Variants in AGMO observed in about 807,000 individuals in gnomAD.
AGMO encodes the protein alkylglycerol monooxygenase.
Under a neutral mutation model 60.2 loss-of-function variants are expected in AGMO, and 75 were observed. The observed-to-expected ratio is 1.25, with a 90% CI of 1.03 to 1.51. The LOEUF is 1.51. AGMO is among the 40% of genes most tolerant of loss of function. The pLI, the probability that AGMO is intolerant of heterozygous loss-of-function variation, is 0.00. For synonymous variants in AGMO, 261 were observed against 177.1 expected, an observed-to-expected ratio of 1.47 and a Z score of -3.76; for missense variants, 763 against 525.5, an observed-to-expected ratio of 1.45 and a Z score of -4.42.
chr7:15,304,724 G>A (rs957051896), intron 12 of AGMO, among the ~76,000 whole-genome samples: 2 of 152,026 alleles, frequency 1.3e-5, no homozygotes, highest in Non-Finnish European at 2.9e-5. Context: ...TTTATAGGAT[G>A]TTGTCTGCAT....
the AGMO span, among the ~76,000 whole-genome samples, chr7:15,152,372 G>C: frequency 6.6e-6 from 1 of 152,056 alleles, no homozygotes; most frequent in Non-Finnish European, 1.5e-5. Flanking sequence ...ATTTCAATAA[G>C]TTTTTGGGGA....
chr7:15,160,896 T>G, the AGMO span, among the ~76,000 whole-genome samples: 1 of 152,120 alleles, frequency 6.6e-6, no homozygotes, highest in African/African-American at 2.4e-5. Context: ...TTCCCACAGT[T>G]CTGGAGGAGG....
the AGMO span, among the ~76,000 whole-genome samples, chr7:15,177,522 T>C: frequency 6.6e-5 from 10 of 152,232 alleles, no homozygotes; most frequent in Admixed American, 2.0e-4. Context: ...AAAATGTAGA[T>C]ATTGTCTGCT....
chr7:15,158,670 C>A, the AGMO span, among the ~76,000 whole-genome samples: 1 of 152,144 alleles, frequency 6.6e-6, no homozygotes, highest in African/African-American at 2.4e-5. Context: ...AAACTAGGTC[C>A]ATTCATAAAG....
intron 5 of AGMO, among the ~76,000 whole-genome samples, chr7:15,406,337 C>CAT (rs1327800793): frequency 7.1e-6 from 1 of 139,938 alleles, no homozygotes; most frequent in Admixed American, 7.4e-5. Context: ...ATGGAATATA[C>CAT]ATATATATGT....
intron 12 of AGMO, among the ~76,000 whole-genome samples, chr7:15,305,240 TAAAAAAA>T (rs11351669): frequency 8.5e-6 from 1 of 117,970 alleles, no homozygotes; most frequent in Non-Finnish European, 1.9e-5. Flanking sequence ...GCAATCTGGT[TAAAAAAA>T]AAAAAAAAAA....
At chr7:15,373,088 A>AC (rs1457583487) in intron 10 of AGMO, among the ~76,000 whole-genome samples, 2 of 152,000 alleles carry the variant, frequency 1.3e-5, no homozygotes, top group Non-Finnish European at 2.9e-5. Flanking sequence ...ACATGGCAAA[A>AC]CCCCATCTCT....
At chr7:15,306,569 TG>T (rs1267756067) in intron 12 of AGMO, 1 of 330,222 alleles carries the variant, frequency 3.0e-6, no homozygotes, top group Admixed American at 4.9e-5. Context: ...AATATGACTG[TG>T]TAAAAAAAAA....
At chr7:15,165,934 G>C in the AGMO span, among the ~76,000 whole-genome samples, 4 of 152,056 alleles carry the variant, frequency 2.6e-5, no homozygotes, top group African/African-American at 9.7e-5. Flanking sequence ...TATACCTTAA[G>C]TGATTTATAG....
chr7:15,430,952 G>C (rs1415958313), intron 4 of AGMO, 53 bp downstream of exon 4: 1 of 743,442 alleles, frequency 1.3e-6, no homozygotes. Context: ...AGAAATAGCT[G>C]AGACTTAAAA....
chr7:15,335,505 T>C (rs75768901), intron 12 of AGMO, among the ~76,000 whole-genome samples: 5,490 of 152,224 alleles, frequency 0.036, 123 homozygotes, highest in South Asian at 0.06. Flanking sequence ...TTATGGTGCC[T>C]AGATTCCACC....
intron 3 of AGMO, among the ~76,000 whole-genome samples, chr7:15,501,864 A>C (rs1783394234): frequency 6.6e-6 from 1 of 152,038 alleles, no homozygotes; most frequent in Non-Finnish European, 1.5e-5. Context: ...GCTGCAGAAA[A>C]AAAAATTGAT....
intron 12 of AGMO, among the ~76,000 whole-genome samples, chr7:15,259,265 T>C (rs939164433): frequency 9.9e-5 from 15 of 151,984 alleles, no homozygotes; most frequent in Middle Eastern, 3.4e-3. Flanking sequence ...CAAAATGCAC[T>C]GGAAAGTCTC....
chr7:15,187,345 C>T, the AGMO span, among the ~76,000 whole-genome samples: 45 of 152,250 alleles, frequency 3.0e-4, no homozygotes, highest in African/African-American at 1.1e-3. Flanking sequence ...CACCAGTATG[C>T]TGAAAAAACA....
At chr7:15,161,979 G>T in the AGMO span, among the ~76,000 whole-genome samples, 1 of 152,046 alleles carries the variant, frequency 6.6e-6, no homozygotes, top group African/African-American at 2.4e-5. Context: ...ATCTCAAATT[G>T]TAATCCCCAC....
At chr7:15,122,590 T>A in the AGMO span, among the ~76,000 whole-genome samples, 3 of 152,080 alleles carry the variant, frequency 2.0e-5, no homozygotes, top group African/African-American at 7.2e-5. Context: ...CCTCCAGAAA[T>A]CTGTCTTACT....
At chr7:15,175,099 G>C in the AGMO span, among the ~76,000 whole-genome samples, 1 of 151,768 alleles carries the variant, frequency 6.6e-6, no homozygotes, top group South Asian at 2.1e-4. Flanking sequence ...TTACCTAACT[G>C]TGTTTTCAAG....
chr7:15,326,022 T>A (rs917191209), intron 12 of AGMO, among the ~76,000 whole-genome samples: 2 of 152,134 alleles, frequency 1.3e-5, no homozygotes, highest in Non-Finnish European at 2.9e-5. Context: ...CCAAGTTTTA[T>A]AAAGCAGAGG....
chr7:15,390,647 A>C (rs745405402), intron 8 of AGMO, 24 bp downstream of exon 8: 3 of 1,492,456 alleles, frequency 2.0e-6, no homozygotes, highest in Non-Finnish European at 2.8e-6. Context: ...TAAATGAAGA[A>C]AGAATAAAAA....
Sources: gnomAD v4.1 joint callset for allele counts (sites outside exome capture counted in the v4.1 genomes callset) on GRCh38, gnomAD v4.1.1 for gene constraint, MANE v1.5 for transcripts, NCBI Gene and HGNC (gene_info 2026-07-23, HGNC 2026-07-21) for gene names.